The following SENP7 variants were observed in gnomAD, a reference collection of about 807,000 sequenced individuals.
SENP7 encodes SUMO specific peptidase 7.
A neutral mutation model predicts 141.2 loss-of-function variants in SENP7; 64 were observed. The observed-to-expected ratio is 0.45, with a 90% CI of 0.37 to 0.56. The LOEUF is 0.56. SENP7 is among the 20% of genes least tolerant of loss of function. The pLI is 0.00. For missense variants in SENP7, 1,025 were observed against 1,212.2 expected, an observed-to-expected ratio of 0.85 and a Z score of 2.29; for synonymous variants, 382 against 426.4, an observed-to-expected ratio of 0.90 and a Z score of 1.28.
intron 20 of SENP7, 24 bp downstream of exon 20, chr3:101,330,309 TC>T: frequency 6.4e-7 from 1 of 1,557,478 alleles, no homozygotes; most frequent in African/African-American, 1.4e-5. Flanking sequence ...TTTCCTTCCT[TC>T]CCATCTGTAA....
intron 5 of SENP7, among the ~76,000 whole-genome samples, chr3:101,401,552 A>G (rs1377151516): frequency 1.3e-5 from 2 of 151,028 alleles, no homozygotes; most frequent in Non-Finnish European, 2.9e-5. Flanking sequence ...AAAAAAAAGG[A>G]AAAAAAAGTG....
chr3:101,417,225 T>A (rs2061649134), intron 5 of SENP7, among the ~76,000 whole-genome samples: 1 of 152,020 alleles, frequency 6.6e-6, no homozygotes, highest in Non-Finnish European at 1.5e-5. Context: ...AAAATATTAA[T>A]GCACATATAT....
chr3:101,463,360 AATAAATATATATATATATAT>A (rs1559864574), intron 3 of SENP7, among the ~76,000 whole-genome samples: 8 of 46,974 alleles, frequency 1.7e-4, no homozygotes, highest in African/African-American at 6.2e-4. Context: ...TAAATAAATA[AATAAATATATATATATATAT>A]ATATATATAT....
intron 13 of SENP7, among the ~76,000 whole-genome samples, chr3:101,345,159 G>T (rs1178388332): frequency 1.3e-5 from 2 of 152,046 alleles, no homozygotes; most frequent in East Asian, 3.8e-4. Flanking sequence ...CTCCAGATTT[G>T]TTCTTTTTGC....
intron 6 of SENP7, among the ~76,000 whole-genome samples, chr3:101,384,997 G>T (rs76503153): frequency 1.3e-5 from 2 of 152,022 alleles, no homozygotes; most frequent in African/African-American, 2.4e-5. Context: ...AATAAAAGAC[G>T]AATGAAATGA....
chr3:101,334,740 G>T (rs2059140404), intron 17 of SENP7, among the ~76,000 whole-genome samples: 1 of 152,164 alleles, frequency 6.6e-6, no homozygotes, highest in Non-Finnish European at 1.5e-5. Context: ...AAATCTTAAG[G>T]ATAGACATCT....
At chr3:101,341,555 C>G in intron 15 of SENP7, 91 bp downstream of exon 15, 1 of 1,168,890 alleles carries the variant, frequency 8.6e-7, no homozygotes, top group Non-Finnish European at 1.1e-6. Flanking sequence ...AAACTTAAAA[C>G]ATTTCAAAAG....
chr3:101,450,392 C>A (rs910867484), intron 4 of SENP7, among the ~76,000 whole-genome samples: 1 of 152,194 alleles, frequency 6.6e-6, no homozygotes, highest in African/African-American at 2.4e-5. Context: ...CTCTCCACCC[C>A]CAATCAACAG....
chr3:101,491,890 G>A (rs549152584), intron 3 of SENP7, among the ~76,000 whole-genome samples: 6 of 152,106 alleles, frequency 3.9e-5, no homozygotes, highest in Non-Finnish European at 7.4e-5. Context: ...TTGGGAGTTC[G>A]AGACCAGCCT....
intron 3 of SENP7, among the ~76,000 whole-genome samples, chr3:101,472,754 A>C (rs2064055175): frequency 2.0e-5 from 3 of 152,198 alleles, no homozygotes; most frequent in Admixed American, 1.3e-4. Flanking sequence ...AAAATGAGTA[A>C]GTCCTTTTTT....
In SENP7 at chr3:101,327,707, A is replaced by G; in HGVS notation, c.2974T>C (p.Cys992Arg). ...ACATACTGCAATAAATATACTCCAC[A>G]ATCACTGCTATTGTCCTGTTTAGGA... ...KVPKQDNSSD[C>R]GVYLLQYVES... The change falls in exon 23 of 24, where the codon TGT (cysteine) becomes CGT (arginine). Residue 992 changes from cysteine to arginine, a missense_variant. Coordinates refer to ENST00000394095, the MANE Select transcript of SENP7 (RefSeq NM_020654.5). The G allele has an allele frequency of 6.2e-7, 1 of 1,609,952 alleles. No homozygotes were observed. Among genetic ancestry groups the G allele is most frequent in the Non-Finnish European group, 8.5e-7 (1 of 1,178,134 alleles).
intron 2 of SENP7, among the ~76,000 whole-genome samples, chr3:101,500,566 C>T (rs2065338529): frequency 6.6e-6 from 1 of 152,062 alleles, no homozygotes; most frequent in Admixed American, 6.6e-5. Context: ...AAAAGATTAT[C>T]TTTCTTAAAA....
intron 3 of SENP7, among the ~76,000 whole-genome samples, chr3:101,483,831 G>A (rs182839969): frequency 3.6e-4 from 55 of 152,198 alleles, no homozygotes; most frequent in African/African-American, 1.3e-3. Flanking sequence ...AGACCAGCCT[G>A]GCCAACATGG....
intron 9 of SENP7, among the ~76,000 whole-genome samples, chr3:101,365,643 A>G (rs1247806540): frequency 6.6e-6 from 1 of 151,342 alleles, no homozygotes; most frequent in Non-Finnish European, 1.5e-5. Context: ...TCAAAAAAAA[A>G]AAAAAAAAAA....
At chr3:101,493,838 C>A (rs763246442) in intron 3 of SENP7, 35 bp downstream of exon 3, 2 of 1,208,898 alleles carry the variant, frequency 1.7e-6, no homozygotes, top group Non-Finnish European at 2.4e-6. Context: ...CCAAATAAAA[C>A]TGTATACTTA....
intron 5 of SENP7, among the ~76,000 whole-genome samples, chr3:101,409,342 A>G (rs145940345): frequency 7.2e-5 from 11 of 152,362 alleles, no homozygotes; most frequent in African/African-American, 2.6e-4. Flanking sequence ...TAGAATCAAT[A>G]TTGTGAAAAT....
Position 101,367,960 on chromosome 3 carries a change from T to C in SENP7, c.848A>G (p.Asn283Ser), listed in dbSNP as rs1364998415. 7 of 1,613,176 alleles carry C rather than the reference T, an allele frequency of 4.3e-6. No homozygotes were observed. In the South Asian group the frequency reaches 6.6e-5, roughly 15 times the overall value. ...GCDHLEQESR[N>S]KDVKYSDSKV... ...TGAATCAGAATATTTAACATCCTTG[T>C]TTCTGCTTTCCTGTTCGAGATGATC... The change falls in exon 8 of 24, where the codon AAC (asparagine) becomes AGC (serine). Residue 283 changes from asparagine to serine, a missense_variant. By Grantham distance (46) the Asn-to-Ser change is conservative (BLOSUM62 1). Coordinates refer to ENST00000394095, the MANE Select transcript of SENP7 (RefSeq NM_020654.5).
intron 3 of SENP7, among the ~76,000 whole-genome samples, chr3:101,470,879 C>G (rs2063963610): frequency 6.6e-6 from 1 of 152,136 alleles, no homozygotes. Context: ...AGAGCCAAAT[C>G]ATGAGTGAAC....
chr3:101,357,982 T>TA (rs2107320054), intron 11 of SENP7: 1 of 630,394 alleles, frequency 1.6e-6, no homozygotes, highest in African/African-American at 1.9e-5. Flanking sequence ...TTTTTTCACA[T>TA]AAGAAAATTC....
Sources: allele counts gnomAD v4.1 joint callset (sites outside exome capture counted in the v4.1 genomes callset), GRCh38; gene constraint gnomAD v4.1.1; transcripts MANE v1.5; gene names NCBI Gene and HGNC (gene_info 2026-07-23, HGNC 2026-07-21).